The following KLF12 variants were observed in gnomAD, a reference collection of about 807,000 sequenced individuals.
KLF12 encodes KLF transcription factor 12.
In KLF12, 9 loss-of-function variants were observed where a neutral mutation model predicts 37.8. That is an observed-to-expected ratio of 0.24 (90% CI 0.14 to 0.42). KLF12 has a LOEUF of 0.42. KLF12 is among the 10% of genes least tolerant of loss of function. The probability of loss-of-function intolerance (pLI) is 1.00; values close to 1 mark genes in which losing one functional copy is unlikely to be tolerated. For missense variants in KLF12, 411 were observed against 516.0 expected, an observed-to-expected ratio of 0.80 and a Z score of 1.97; for synonymous variants, 208 against 202.1, an observed-to-expected ratio of 1.03 and a Z score of -0.25.
chr13:74,154,206 G>T, the KLF12 span, among the ~76,000 whole-genome samples: 1 of 150,658 alleles, frequency 6.6e-6, no homozygotes, highest in African/African-American at 2.4e-5. Flanking sequence ...CTGTACTCCA[G>T]CCTGGCAACA....
intron 1 of KLF12, among the ~76,000 whole-genome samples, chr13:74,085,090 G>C (rs943827824): frequency 6.6e-6 from 1 of 152,098 alleles, no homozygotes; most frequent in Non-Finnish European, 1.5e-5. Flanking sequence ...AAAGAAGAAT[G>C]AGACAGTCCT....
chr13:73,819,822 A>G (rs979711890), intron 4 of KLF12, among the ~76,000 whole-genome samples: 26 of 152,310 alleles, frequency 1.7e-4, no homozygotes, highest in African/African-American at 6.3e-4. Flanking sequence ...GAGTAAGAGA[A>G]GCTTGCAGGT....
At position 73,894,587 on chromosome 13, in the gene KLF12, C is replaced by A. The variant is rs192597795; in HGVS notation, c.124-48214G>T. Among the ~76,000 whole-genome samples, 194 of 152,284 alleles carry A rather than the reference C, an allele frequency of 1.3e-3. 2 individuals are homozygous for A. In the Middle Eastern group the frequency reaches 0.014, roughly 11 times the overall value. On this transcript the variant is annotated intron_variant, in intron 3 of 7. Transcript: ENST00000377669. ...CTAAACTCATCATTTAACTTAATCA[C>A]TTTTTTCTCTCATTTGAGGTATTCA...
rs576284125 is a variant in KLF12, at chr13:73,926,757, C to T, written c.123+17224G>A. 1.8e-4 allele frequency among the ~76,000 whole-genome samples: 28 copies of T among 152,046 alleles called. No homozygotes were observed. In the South Asian group the frequency reaches 5.4e-3, roughly 29 times the overall value. On this transcript the variant is annotated intron_variant, in intron 3 of 7. Coordinates refer to ENST00000377669, the MANE Select transcript of KLF12 (RefSeq NM_007249.5). ...AATAAATGGTTCGGTTTTAAGCACA[C>T]GTAGTTTCTCTGCGTGAATTACTCA...
At chr13:74,165,735 C>T in the KLF12 span, among the ~76,000 whole-genome samples, 1 of 152,182 alleles carries the variant, frequency 6.6e-6, no homozygotes, top group Middle Eastern at 3.2e-3. Flanking sequence ...AGGGAAATGC[C>T]AGGTTTCCCT....
At chr13:73,910,692 A>T (rs1888525112) in intron 3 of KLF12, among the ~76,000 whole-genome samples, 1 of 152,210 alleles carries the variant, frequency 6.6e-6, no homozygotes, top group African/African-American at 2.4e-5. Flanking sequence ...TGCACTGAAT[A>T]TTACCAAATA....
the KLF12 span, among the ~76,000 whole-genome samples, chr13:74,183,575 C>A: frequency 1.3e-4 from 19 of 151,986 alleles, no homozygotes; most frequent in Non-Finnish European, 1.5e-5. Context: ...CACCAATTCC[C>A]TGCTTCAGGA....
intron 6 of KLF12, among the ~76,000 whole-genome samples, chr13:73,740,640 C>CT (rs1470628845): frequency 6.6e-6 from 1 of 152,116 alleles, no homozygotes; most frequent in East Asian, 1.9e-4. Flanking sequence ...TGCACCTGGC[C>CT]TAGTTTTTAA....
the KLF12 span, among the ~76,000 whole-genome samples, chr13:74,295,298 C>T: frequency 2.0e-5 from 3 of 152,152 alleles, no homozygotes; most frequent in Non-Finnish European, 4.4e-5. Context: ...TTCTTCATGT[C>T]CTGCCTCCAC....
chr13:73,922,544 G>A (rs1474336543), intron 3 of KLF12, among the ~76,000 whole-genome samples: 2 of 152,088 alleles, frequency 1.3e-5, no homozygotes, highest in African/African-American at 2.4e-5. Context: ...GTTGGGGGTG[G>A]GGAGGTATAA....
chr13:73,985,822 A>G (rs1297025459), intron 2 of KLF12, among the ~76,000 whole-genome samples: 2 of 152,332 alleles, frequency 1.3e-5, no homozygotes, highest in East Asian at 1.9e-4. Flanking sequence ...TCACTTTGAT[A>G]ACAAAAACAA....
rs886832366 is a variant in KLF12, at chr13:73,952,404, A to G, written c.34-8334T>C. ...GAAGGGGGAGTTGCTACACACTTTC[A>G]AACAACCAGATCTCCTGAGAACTCA... On this transcript the variant is annotated intron_variant, in intron 2 of 7. Coordinates refer to ENST00000377669, the MANE Select transcript of KLF12 (RefSeq NM_007249.5). 2.0e-5 allele frequency among the ~76,000 whole-genome samples: 3 copies of G among 152,134 alleles called. 1 individual carries two copies. In the South Asian group the frequency reaches 6.2e-4, roughly 32 times the overall value.
intron 1 of KLF12, among the ~76,000 whole-genome samples, chr13:74,037,486 T>C (rs1049999162): frequency 1.3e-5 from 2 of 152,198 alleles, no homozygotes; most frequent in African/African-American, 4.8e-5. Flanking sequence ...TTAAACCGTG[T>C]TGAACACTCC....
intron 3 of KLF12, among the ~76,000 whole-genome samples, chr13:73,903,640 CA>C (rs1019209169): frequency 6.1e-4 from 93 of 152,302 alleles, no homozygotes; most frequent in African/African-American, 2.1e-3. Context: ...AGAAGTATCA[CA>C]ATCTTCAACT....
chr13:73,715,240 G>A (rs531328003), intron 7 of KLF12, 128 bp downstream of exon 7: 250 of 650,864 alleles, frequency 3.8e-4, no homozygotes, highest in Non-Finnish European at 4.8e-4. Flanking sequence ...AATACATTCC[G>A]CCTAGAAGGA....
intron 3 of KLF12, among the ~76,000 whole-genome samples, chr13:73,924,582 C>T (rs978978679): frequency 9.2e-5 from 14 of 152,052 alleles, no homozygotes; most frequent in African/African-American, 3.4e-4. Context: ...TCCTCCAGCC[C>T]CCTATTCCCT....
intron 5 of KLF12, among the ~76,000 whole-genome samples, chr13:73,792,349 TAA>T (rs1328625430): frequency 6.6e-6 from 1 of 152,166 alleles, no homozygotes; most frequent in Non-Finnish European, 1.5e-5. Flanking sequence ...GAAGCCAACA[TAA>T]AAAAAGTTTG....
intron 1 of KLF12, among the ~76,000 whole-genome samples, chr13:74,101,509 T>C (rs1014305160): frequency 6.6e-6 from 1 of 152,006 alleles, no homozygotes; most frequent in African/African-American, 2.4e-5. Flanking sequence ...GCTAAGATTA[T>C]AGTTTCTAAA....
intron 1 of KLF12, among the ~76,000 whole-genome samples, chr13:74,022,877 A>G (rs1003643916): frequency 3.6e-4 from 45 of 123,800 alleles, no homozygotes; most frequent in Admixed American, 1.2e-3. Flanking sequence ...TCCACTGTGG[A>G]AAAAAAAAAA....
Sources: allele counts gnomAD v4.1 joint callset (sites outside exome capture counted in the v4.1 genomes callset), GRCh38; gene constraint gnomAD v4.1.1; transcripts MANE v1.5; gene names NCBI Gene and HGNC (gene_info 2026-07-23, HGNC 2026-07-21).